RPS6KC1: variants seen among roughly 807,000 people sequenced by gnomAD.
RPS6KC1 encodes inactive ribosomal protein S6 kinase delta-1.
A neutral mutation model predicts 103.8 loss-of-function variants in RPS6KC1; 54 were observed. That is an observed-to-expected ratio of 0.52 (90% CI 0.42 to 0.65). The LOEUF is 0.65. Among genes scored for constraint, RPS6KC1 ranks in the 30% least tolerant of loss-of-function variants. The pLI is 0.00. For missense variants in RPS6KC1, 1,151 were observed against 1,253.8 expected (o/e 0.92, Z 1.24); for synonymous variants, 439 against 438.7 (o/e 1.00, Z -0.01).
the RPS6KC1 span, among the ~76,000 whole-genome samples, chr1:213,752,723 C>A: frequency 6.6e-6 from 1 of 152,168 alleles, no homozygotes; most frequent in Non-Finnish European, 1.5e-5. Context: ...TGCTGACTGG[C>A]CTTGACTTAG....
chr1:213,088,025 C>T (rs2080582985), intron 3 of RPS6KC1, among the ~76,000 whole-genome samples: 1 of 152,198 alleles, frequency 6.6e-6, no homozygotes. Flanking sequence ...CTTCCCACTG[C>T]AGATGGTAGG....
At chr1:213,434,114 A>T in the RPS6KC1 span, among the ~76,000 whole-genome samples, 3 of 151,818 alleles carry the variant, frequency 2.0e-5, no homozygotes, top group Non-Finnish European at 2.9e-5. Flanking sequence ...ATAAGCAAAA[A>T]AAAAAAGCAC....
In RPS6KC1 at chr1:213,228,794, T is replaced by G. The variant is rs557337497; in HGVS notation, c.1045-1703T>G. ...GCTTTTTGGGAGGATTAATATTGAT[T>G]ACACCTGGGTAAAGTATAGCACATA... On this transcript the variant is annotated intron_variant, in intron 8 of 14. Coordinates refer to ENST00000366960, the MANE Select transcript of RPS6KC1 (RefSeq NM_012424.6). Among the ~76,000 whole-genome samples the G allele has an allele frequency of 4.6e-5, 7 of 152,284 alleles. No homozygotes were observed. The East Asian group carries it at 1.4e-3, about 29-fold the overall frequency.
At chr1:213,113,269 A>G (rs2083220200) in intron 4 of RPS6KC1, among the ~76,000 whole-genome samples, 1 of 151,842 alleles carries the variant, frequency 6.6e-6, no homozygotes, top group African/African-American at 2.4e-5. Context: ...CTGGTGTGAG[A>G]TGATATCTCA....
the RPS6KC1 span, among the ~76,000 whole-genome samples, chr1:213,694,558 C>T: frequency 3.3e-5 from 5 of 152,176 alleles, no homozygotes; most frequent in Non-Finnish European, 5.9e-5. Flanking sequence ...CCAACTTTCC[C>T]ACTATGATGC....
chr1:213,148,874 G>A (rs1322017868), intron 6 of RPS6KC1, among the ~76,000 whole-genome samples: 1 of 151,960 alleles, frequency 6.6e-6, no homozygotes, highest in Admixed American at 6.6e-5. Flanking sequence ...GTCTGTTCAG[G>A]TTCTGTGTTT....
At chr1:213,501,098 T>G in the RPS6KC1 span, among the ~76,000 whole-genome samples, 1 of 79,794 alleles carries the variant, frequency 1.3e-5, no homozygotes, top group Non-Finnish European at 2.7e-5. Flanking sequence ...GGGATTATAT[T>G]TGAAACAAAA....
the RPS6KC1 span, among the ~76,000 whole-genome samples, chr1:213,520,168 A>G: frequency 6.6e-6 from 1 of 152,114 alleles, no homozygotes; most frequent in Non-Finnish European, 1.5e-5. Flanking sequence ...CGCTGCTGAT[A>G]AAGACATGTC....
the RPS6KC1 span, among the ~76,000 whole-genome samples, chr1:213,829,810 G>A: frequency 6.6e-6 from 1 of 152,210 alleles, no homozygotes; most frequent in Non-Finnish European, 1.5e-5. Flanking sequence ...GGTAATATGT[G>A]TTAATTGCTC....
intron 5 of RPS6KC1, among the ~76,000 whole-genome samples, chr1:213,128,121 G>A (rs2085196470): frequency 1.3e-5 from 2 of 152,280 alleles, no homozygotes; most frequent in African/African-American, 2.4e-5. Context: ...CATTATCTAT[G>A]TGACATTTCC....
the RPS6KC1 span, among the ~76,000 whole-genome samples, chr1:213,637,703 G>A: frequency 6.6e-6 from 1 of 152,124 alleles, no homozygotes; most frequent in Non-Finnish European, 1.5e-5. Flanking sequence ...AACAATGTAG[G>A]AGACTTTCAG....
At chr1:213,626,062 C>T in the RPS6KC1 span, among the ~76,000 whole-genome samples, 1 of 152,192 alleles carries the variant, frequency 6.6e-6, no homozygotes, top group Non-Finnish European at 1.5e-5. Flanking sequence ...TAAAAGTGTT[C>T]CTATTTCTCC....
At chr1:213,461,910 A>G in the RPS6KC1 span, among the ~76,000 whole-genome samples, 1 of 152,228 alleles carries the variant, frequency 6.6e-6, no homozygotes, top group Non-Finnish European at 1.5e-5. Flanking sequence ...AAAAGCCAAA[A>G]TTGACAAATG....
chr1:213,151,160 G>A (rs533869242), intron 6 of RPS6KC1, among the ~76,000 whole-genome samples: 3 of 141,026 alleles, frequency 2.1e-5, no homozygotes, highest in Admixed American at 1.4e-4. Flanking sequence ...GCGGCTGGCC[G>A]GGCGGGGGGC....
chr1:213,185,897 A>G (rs950318463), intron 8 of RPS6KC1, among the ~76,000 whole-genome samples: 1 of 151,360 alleles, frequency 6.6e-6, no homozygotes, highest in African/African-American at 2.4e-5. Flanking sequence ...TGTGGTTGCC[A>G]GTTACCATGA....
At chr1:213,589,642 CA>C in the RPS6KC1 span, among the ~76,000 whole-genome samples, 78,043 of 129,046 alleles carry the variant, frequency 0.6, 22,964 homozygotes, top group Non-Finnish European at 0.7. Flanking sequence ...AACTCTGTTT[CA>C]AAAAAAAAAA....
intron 12 of RPS6KC1, among the ~76,000 whole-genome samples, chr1:213,252,996 A>G (rs1318857283): frequency 6.6e-6 from 1 of 152,240 alleles, no homozygotes; most frequent in African/African-American, 2.4e-5. Context: ...CACAGTTGCT[A>G]TAACTTTGAG....
At chr1:213,300,879 A>AATT in the RPS6KC1 span, among the ~76,000 whole-genome samples, 1 of 152,176 alleles carries the variant, frequency 6.6e-6, no homozygotes, top group Non-Finnish European at 1.5e-5. Context: ...TAATTATGCA[A>AATT]AGAATCACCC....
the RPS6KC1 span, among the ~76,000 whole-genome samples, chr1:213,296,043 CATTGAAT>C: frequency 6.6e-6 from 1 of 152,152 alleles, no homozygotes; most frequent in Non-Finnish European, 1.5e-5. Flanking sequence ...AAATGCCAGT[CATTGAAT>C]ATTTGGAATC....
Sources: gnomAD v4.1 joint callset for allele counts (sites outside exome capture counted in the v4.1 genomes callset) on GRCh38, gnomAD v4.1.1 for gene constraint, MANE v1.5 for transcripts, NCBI Gene and HGNC (gene_info 2026-07-23, HGNC 2026-07-21) for gene names.